The following USH2A variants were observed in gnomAD, a reference collection of about 807,000 sequenced individuals.
USH2A encodes the protein usherin.
USH2A carries 443 observed loss-of-function variants against 538.9 expected under a neutral mutation model. That is an observed-to-expected ratio of 0.82 (90% CI 0.76 to 0.89). The LOEUF (loss-of-function observed/expected upper bound fraction) is 0.89, where lower values mean the gene tolerates loss of function less well. Ranked by LOEUF, USH2A falls within the 40% of genes least tolerant of loss-of-function variation. The pLI is 0.00. For missense variants in USH2A, 6,633 were observed against 6,324.8 expected (o/e 1.05, Z -1.65); for synonymous variants, 2,413 against 2,273.5 (o/e 1.06, Z -1.75).
intron 67 of USH2A, among the ~76,000 whole-genome samples, chr1:215,642,969 A>G (rs2102638232): frequency 6.6e-6 from 1 of 152,278 alleles, no homozygotes; most frequent in South Asian, 2.1e-4. Context: ...TCACATCTAT[A>G]TAAAACTGCA....
rs1666443866 is a variant in USH2A at position 215,934,606 on chromosome 1, A to G, written c.7300+10T>C. The G allele has an allele frequency of 6.2e-7, 1 of 1,611,162 alleles. No homozygotes were observed. The highest frequency in any genetic ancestry group is 1.1e-5 in the South Asian group (1 of 90,956). Reference sequence around the variant, plus strand: ...ATAAAATTAGATAGCCAACATTTGCATAGACTTACCTCCTGGAGGCATTGC... The same window carrying G: ...ATAAAATTAGATAGCCAACATTTGCGTAGACTTACCTCCTGGAGGCATTGC... On this transcript the variant is annotated intron_variant, in intron 38 of 71. Transcript: ENST00000307340.
intron 4 of USH2A, among the ~76,000 whole-genome samples, chr1:216,356,521 A>G (rs1045976212): frequency 6.6e-6 from 1 of 152,030 alleles, no homozygotes; most frequent in Non-Finnish European, 1.5e-5. Context: ...TCCTTCCAGA[A>G]CTTTAATATG....
intron 9 of USH2A, among the ~76,000 whole-genome samples, chr1:216,319,262 A>G (rs1161246482): frequency 6.6e-6 from 1 of 152,222 alleles, no homozygotes. Context: ...GTAGAAAAAT[A>G]TAATAAATGT....
chr1:216,386,929 G>C (rs1456642777), intron 3 of USH2A, among the ~76,000 whole-genome samples: 2 of 152,162 alleles, frequency 1.3e-5, no homozygotes, highest in Admixed American at 1.3e-4. Context: ...AAGAGCTTAA[G>C]CACCAACTCC....
At chr1:216,077,715 G>A (rs2031798323) in intron 27 of USH2A, among the ~76,000 whole-genome samples, 1 of 146,432 alleles carries the variant, frequency 6.8e-6, no homozygotes, top group Non-Finnish European at 1.5e-5. Flanking sequence ...AAGCACCTCA[G>A]TTACCTTATT....
At chr1:216,338,278 T>A (rs572982405) in intron 4 of USH2A, among the ~76,000 whole-genome samples, 1 of 151,494 alleles carries the variant, frequency 6.6e-6, no homozygotes, top group South Asian at 2.1e-4. Context: ...GTTAATCAAA[T>A]TGACCTCTGA....
chr1:216,255,588 T>G (rs2036242785), intron 11 of USH2A, among the ~76,000 whole-genome samples: 1 of 152,186 alleles, frequency 6.6e-6, no homozygotes, highest in Non-Finnish European at 1.5e-5. Flanking sequence ...AGCCCCATAA[T>G]GTACTTTATA....
chr1:216,329,699 C>T (rs543877638), intron 4 of USH2A, among the ~76,000 whole-genome samples: 20 of 152,096 alleles, frequency 1.3e-4, no homozygotes, highest in African/African-American at 4.3e-4. Context: ...CCTCTGCTTC[C>T]AATTTTTCTG....
intron 21 of USH2A, among the ~76,000 whole-genome samples, chr1:216,102,691 T>G (rs2032619156): frequency 6.6e-6 from 1 of 152,022 alleles, no homozygotes; most frequent in Non-Finnish European, 1.5e-5. Context: ...TCCCAGCTAC[T>G]CGGGAGGCTG....
rs551429251 is a variant in USH2A, at chr1:215,843,406, C to T, written c.9258+888G>A. Among the ~76,000 whole-genome samples the T allele has an allele frequency of 2.0e-5, 3 of 152,194 alleles. No homozygotes were observed. The South Asian group carries it at 6.2e-4, about 32-fold the overall frequency. ...TTGTTATCTTTTATGGCTTGGTACT[C>T]CAACAAGATTTCCAATTCCGTGAAG... On this transcript the variant is annotated intron_variant, in intron 46 of 71. Transcript: ENST00000307340.
chr1:216,371,398 G>T (rs983512790), intron 3 of USH2A, among the ~76,000 whole-genome samples: 1 of 152,162 alleles, frequency 6.6e-6, no homozygotes, highest in African/African-American at 2.4e-5. Flanking sequence ...CTGTCAAACT[G>T]GTACAGGATT....
At chr1:216,382,553 T>G (rs1335051563) in intron 3 of USH2A, among the ~76,000 whole-genome samples, 1 of 152,198 alleles carries the variant, frequency 6.6e-6, no homozygotes, top group African/African-American at 2.4e-5. Flanking sequence ...AAAATCATAC[T>G]TGAATTTGAA....
intron 32 of USH2A, among the ~76,000 whole-genome samples, chr1:216,028,177 C>A (rs1487106298): frequency 1.3e-5 from 2 of 152,056 alleles, no homozygotes; most frequent in Non-Finnish European, 2.9e-5. Context: ...TACTTGAGGT[C>A]AGGAGTTCGA....
intron 9 of USH2A, among the ~76,000 whole-genome samples, chr1:216,294,386 C>T (rs2037063662): frequency 6.6e-6 from 1 of 151,870 alleles, no homozygotes; most frequent in Non-Finnish European, 1.5e-5. Flanking sequence ...TATGAATATA[C>T]ATGGGTATTG....
chr1:216,323,259 T>C (rs2037651971), intron 8 of USH2A, among the ~76,000 whole-genome samples: 1 of 139,362 alleles, frequency 7.2e-6, no homozygotes, highest in Non-Finnish European at 1.5e-5. Flanking sequence ...TATATATATT[T>C]ATTTATAAAA....
chr1:216,322,409 C>G (rs1303277269), intron 8 of USH2A, among the ~76,000 whole-genome samples: 4 of 151,570 alleles, frequency 2.6e-5, no homozygotes, highest in Non-Finnish European at 5.9e-5. Context: ...TTGAGAGCAG[C>G]CTGAGCAACA....
chr1:215,759,736 G>T lies in USH2A; in HGVS notation c.11155C>A (p.Arg3719Ser), dbSNP rs758951363. The change falls in exon 57 of 72, where the codon CGT becomes AGT. Residue 3719 changes from arginine (R) to serine (S), a missense_variant. By Grantham distance (110) the Arg-to-Ser change is moderately radical. Coordinates refer to ENST00000307340, the MANE Select transcript of USH2A (RefSeq NM_206933.4). ...CCCAGGAAAAGCAAGTTTCCATTAC[G>T]ACTCAATTGATATTGAGAAACGAGG... ...NGLVSQYQLS[R>S]NGNLLFLGGS... 6 of 1,613,862 alleles carry T rather than the reference G, an allele frequency of 3.7e-6. No homozygotes were observed. Among genetic ancestry groups the T allele is most frequent in the Non-Finnish European group, 5.1e-6 (6 of 1,179,936 alleles).
chr1:215,856,808 A>G (rs1184506208), intron 44 of USH2A, among the ~76,000 whole-genome samples: 1 of 151,142 alleles, frequency 6.6e-6, no homozygotes, highest in Admixed American at 6.6e-5. Context: ...ACGCCCATCA[A>G]TCAATGAGTG....
intron 32 of USH2A, among the ~76,000 whole-genome samples, chr1:216,033,787 GA>G (rs1351289570): frequency 6.6e-6 from 1 of 152,106 alleles, no homozygotes; most frequent in African/African-American, 2.4e-5. Context: ...AGTGAGCTGT[GA>G]ATGCGCCACT....
Sources: allele counts gnomAD v4.1 joint callset (sites outside exome capture counted in the v4.1 genomes callset), GRCh38; gene constraint gnomAD v4.1.1; transcripts MANE v1.5; gene names NCBI Gene and HGNC (gene_info 2026-07-23, HGNC 2026-07-21).